UBAP2L: variants seen among roughly 807,000 people sequenced by gnomAD.
UBAP2L encodes ubiquitin-associated protein 2-like.
UBAP2L carries 12 observed loss-of-function variants against 130.6 expected under a neutral mutation model. That is an observed-to-expected ratio of 0.09 (90% CI 0.06 to 0.15). UBAP2L has a LOEUF of 0.15. UBAP2L is among the 10% of genes least tolerant of loss of function. The probability of loss-of-function intolerance (pLI) is 1.00; values close to 1 mark genes in which losing one functional copy is unlikely to be tolerated. For missense variants in UBAP2L, 965 were observed against 1,332.5 expected, an observed-to-expected ratio of 0.72 and a Z score of 4.29; for synonymous variants, 503 against 524.7, an observed-to-expected ratio of 0.96 and a Z score of 0.57.
At chr1:154,240,086 G>A (rs1673021811) in intron 8 of UBAP2L, among the ~76,000 whole-genome samples, 1 of 152,116 alleles carries the variant, frequency 6.6e-6, no homozygotes, top group Non-Finnish European at 1.5e-5. Flanking sequence ...TCTCTTCAGT[G>A]GCACAGCATC....
At chr1:154,225,815 C>T (rs1026742293) in intron 2 of UBAP2L, among the ~76,000 whole-genome samples, 8 of 152,110 alleles carry the variant, frequency 5.3e-5, no homozygotes, top group African/African-American at 1.9e-4. Context: ...ACCTTGATAT[C>T]TCTCTCTTTT....
intron 4 of UBAP2L, among the ~76,000 whole-genome samples, chr1:154,229,017 G>A (rs1668910669): frequency 6.6e-6 from 1 of 152,126 alleles, no homozygotes; most frequent in African/African-American, 2.4e-5. Context: ...AGGCTGTGGG[G>A]TTAGGCTGAA....
chr1:154,237,266 G>A (rs1047564564), intron 8 of UBAP2L, 130 bp downstream of exon 8: 2 of 797,768 alleles, frequency 2.5e-6, no homozygotes, highest in South Asian at 1.6e-5. Flanking sequence ...AGGGCTGGCA[G>A]TTGTATTACT....
intron 10 of UBAP2L, among the ~76,000 whole-genome samples, chr1:154,245,537 G>C (rs770413947): frequency 2.0e-5 from 3 of 152,156 alleles, no homozygotes; most frequent in Non-Finnish European, 2.9e-5. Context: ...TTTAGGAATT[G>C]GTAATGACAG....
chr1:154,234,349 C>T lies in UBAP2L; in HGVS notation c.280-242C>T, dbSNP rs375031616. ...CTGCACTCCAGCCTGGGCAACAGAG[C>T]GAGACTCTGTCTCAAAAATAAATAA... On this transcript the variant is annotated intron_variant, in intron 4 of 26. Coordinates refer to ENST00000428931, the MANE Select transcript of UBAP2L (RefSeq NM_014847.4). Among the ~76,000 whole-genome samples the T allele has an allele frequency of 5.9e-5, 9 of 151,318 alleles. No homozygotes were observed. The South Asian group carries it at 1.5e-3, about 25-fold the overall frequency.
rs867445908 is a variant in UBAP2L at position 154,255,552 on chromosome 1, G to T, written c.2085-131G>T. ...CTCTCTACCCCTGGCTGGCCATTGT[G>T]CTTAACATATGATCTCAGACCTCCT... On this transcript the variant is annotated intron_variant, in intron 17 of 26. Transcript: ENST00000428931. The T allele has an allele frequency of 9.9e-6, 12 of 1,216,946 alleles. No homozygotes were observed. In the Middle Eastern group the frequency reaches 1.1e-3, roughly 116 times the overall value. 75.4% of individuals were successfully genotyped at this position (1,216,946 alleles called of 1,614,324 possible).
At chr1:154,220,707 G>A (rs866272036), upstream of UBAP2L, 35 of 439,480 alleles carry the variant, frequency 8.0e-5, no homozygotes, top group African/African-American at 5.6e-4. Context: ...CCATCCGTGC[G>A]TCACGTGGTG....
At position 154,255,305 on chromosome 1, in the gene UBAP2L, C is replaced by G. The variant is rs1414053652; in HGVS notation, c.2063C>G (p.Thr688Ser). The G allele has an allele frequency of 1.2e-6, 2 of 1,614,086 alleles. No individual in the cohort carries two copies. Among genetic ancestry groups the G allele is most frequent in the Admixed American group, 3.3e-5 (2 of 60,024 alleles). The change falls in exon 17 of 27, where the codon ACT (threonine) becomes AGT (serine). Residue 688 changes from threonine to serine, a missense_variant. Thr to Ser is a moderately conservative substitution (Grantham distance 58). Transcript: ENST00000428931. ...AGCCACAGTGAGGAGATTCCAAATA[C>G]TACCACCACACAACACAGCAGGTGA... Reference protein sequence around the residue: ...GLSHSEEIPNTTTTQHSSTLS... With the variant: ...GLSHSEEIPNSTTTQHSSTLS...
chr1:154,250,081 CATA>C (rs1677011763), intron 12 of UBAP2L, among the ~76,000 whole-genome samples: 1 of 152,092 alleles, frequency 6.6e-6, no homozygotes, highest in Non-Finnish European at 1.5e-5. Context: ...TTATGCGAAA[CATA>C]AGACAAGGTC....
intron 24 of UBAP2L, among the ~76,000 whole-genome samples, chr1:154,265,099 C>T (rs923345290): frequency 2.2e-4 from 33 of 152,084 alleles, no homozygotes; most frequent in Admixed American, 4.6e-4. Context: ...TCTGTAGTTC[C>T]GTTATTTTTC....
intron 4 of UBAP2L, among the ~76,000 whole-genome samples, chr1:154,233,035 G>A (rs1168454687): frequency 6.7e-6 from 1 of 150,108 alleles, no homozygotes; most frequent in Non-Finnish European, 1.5e-5. Flanking sequence ...TTTTTTTTGA[G>A]ATGGAGACTC....
At chr1:154,220,471 C>A, upstream of UBAP2L, 1 of 1,602,356 alleles carries the variant, frequency 6.2e-7, no homozygotes, top group Non-Finnish European at 8.6e-7. Context: ...TCAGCCCAGG[C>A]TCCGCCGAAG....
At chr1:154,230,919 A>T (rs1044635339) in intron 4 of UBAP2L, among the ~76,000 whole-genome samples, 1 of 152,234 alleles carries the variant, frequency 6.6e-6, no homozygotes, top group Non-Finnish European at 1.5e-5. Context: ...GAAAGGTTAC[A>T]GTTTCCTGAA....
intron 4 of UBAP2L, among the ~76,000 whole-genome samples, chr1:154,229,325 A>G (rs183479333): frequency 8.4e-4 from 128 of 152,008 alleles, no homozygotes; most frequent in Non-Finnish European, 1.6e-3. Flanking sequence ...AGTCGCTTTC[A>G]CTTCTCCTTC....
intron 1 of UBAP2L, 28 bp downstream of exon 1, chr1:154,221,003 C>T (rs1483095846): frequency 1.6e-5 from 3 of 189,054 alleles, no homozygotes; most frequent in Non-Finnish European, 2.2e-5. Flanking sequence ...GCGGCGTTGG[C>T]GGCGGCGGCG....
chr1:154,220,442 A>T, upstream of UBAP2L: 1 of 1,613,546 alleles, frequency 6.2e-7, no homozygotes, highest in Admixed American at 1.7e-5. Flanking sequence ...GTTCGGGTTT[A>T]CCCCGCTGTC....
At chr1:154,250,279 T>G (rs1453807695) in intron 12 of UBAP2L, among the ~76,000 whole-genome samples, 1 of 152,124 alleles carries the variant, frequency 6.6e-6, no homozygotes, top group African/African-American at 2.4e-5. Flanking sequence ...GTGTGTCTCT[T>G]GGGCTCAGGC....
chr1:154,256,600 C>T (rs1235242870), intron 18 of UBAP2L, among the ~76,000 whole-genome samples: 1 of 152,186 alleles, frequency 6.6e-6, no homozygotes, highest in African/African-American at 2.4e-5. Flanking sequence ...GATTGCACCA[C>T]TGCACCCCAG....
intron 11 of UBAP2L, among the ~76,000 whole-genome samples, chr1:154,248,557 C>T: frequency 6.6e-6 from 1 of 152,124 alleles, no homozygotes; most frequent in Non-Finnish European, 1.5e-5. Context: ...TGGCTCACGC[C>T]TCTAATCCCA....
Sources: gnomAD v4.1 joint callset for allele counts (sites outside exome capture counted in the v4.1 genomes callset) on GRCh38, gnomAD v4.1.1 for gene constraint, MANE v1.5 for transcripts, NCBI Gene and HGNC (gene_info 2026-07-23, HGNC 2026-07-21) for gene names.